Variants in PPARGC1A observed in about 807,000 individuals in gnomAD.
PPARGC1A encodes the protein peroxisome proliferator-activated receptor gamma coactivator 1-alpha.
In PPARGC1A, 25 loss-of-function variants were observed where a neutral mutation model predicts 88.7. That is an observed-to-expected ratio of 0.28 (90% CI 0.21 to 0.39). The LOEUF (loss-of-function observed/expected upper bound fraction) is 0.39, where lower values mean the gene tolerates loss of function less well. Ranked by LOEUF, PPARGC1A falls within the 10% of genes least tolerant of loss-of-function variation. The pLI is 1.00. For synonymous variants in PPARGC1A, 363 were observed against 355.6 expected (o/e 1.02, Z -0.24); for missense variants, 880 against 968.7 (o/e 0.91, Z 1.22).
the PPARGC1A span, among the ~76,000 whole-genome samples, chr4:24,471,602 A>T: frequency 1.3e-5 from 2 of 152,118 alleles, no homozygotes; most frequent in African/African-American, 4.8e-5. The surrounding 1 kb of genome is among the most constrained non-coding windows in gnomAD (Gnocchi z 5.4). Flanking sequence ...TGGCCCGCTG[A>T]CATCCATCTC....
chr4:24,321,908 G>A, the PPARGC1A span, among the ~76,000 whole-genome samples: 15 of 152,120 alleles, frequency 9.9e-5, no homozygotes, highest in Non-Finnish European at 2.2e-4. Context: ...GGACTTGTTC[G>A]TAAAAAAGAA....
At chr4:24,367,203 A>G in the PPARGC1A span, among the ~76,000 whole-genome samples, 1 of 152,190 alleles carries the variant, frequency 6.6e-6, no homozygotes, top group Admixed American at 6.6e-5. Flanking sequence ...GCATCCCAGG[A>G]AGAAATGGGG....
At chr4:24,240,490 A>G in the PPARGC1A span, among the ~76,000 whole-genome samples, 7 of 152,188 alleles carry the variant, frequency 4.6e-5, no homozygotes, top group African/African-American at 1.7e-4. Context: ...TTATATATAA[A>G]CCCTTACAAA....
the PPARGC1A span, among the ~76,000 whole-genome samples, chr4:24,028,823 A>G: frequency 0.18 from 28,065 of 152,120 alleles, 2,736 homozygotes; most frequent in African/African-American, 0.22. Context: ...TATGAAATTG[A>G]CATCTGAGAA....
the PPARGC1A span, among the ~76,000 whole-genome samples, chr4:24,233,808 C>G: frequency 1.3e-5 from 2 of 151,904 alleles, no homozygotes; most frequent in African/African-American, 4.8e-5. Context: ...AAAGTTAAAG[C>G]GCTTACAAGG....
the PPARGC1A span, among the ~76,000 whole-genome samples, chr4:24,119,084 C>T: frequency 1.8e-4 from 27 of 152,276 alleles, no homozygotes; most frequent in African/African-American, 6.3e-4. Flanking sequence ...TTTTGTTTTG[C>T]ATTGCCTCAA....
At chr4:23,845,066 G>A (rs890967616) in intron 2 of PPARGC1A, among the ~76,000 whole-genome samples, 4 of 151,542 alleles carry the variant, frequency 2.6e-5, no homozygotes, top group Admixed American at 2.0e-4. Flanking sequence ...TAAGCAGGAG[G>A]GGGGTGATAG....
chr4:24,194,669 C>CACACA, the PPARGC1A span, among the ~76,000 whole-genome samples: 12,117 of 40,148 alleles, frequency 0.3, 846 homozygotes, highest in Middle Eastern at 0.47. Flanking sequence ...CACACACACA[C>CACACA]CCCCATCAAG....
chr4:24,158,112 A>G, the PPARGC1A span, among the ~76,000 whole-genome samples: 1 of 150,272 alleles, frequency 6.7e-6, no homozygotes, highest in African/African-American at 2.5e-5. Context: ...TGTTTTTCAA[A>G]TGCTCTAAGC....
chr4:24,351,223 C>T, the PPARGC1A span, among the ~76,000 whole-genome samples: 3 of 62,624 alleles, frequency 4.8e-5, no homozygotes, highest in Non-Finnish European at 9.2e-5. Flanking sequence ...AGAGCAAACC[C>T]TTGTATTTAA....
chr4:24,147,280 G>T, the PPARGC1A span, among the ~76,000 whole-genome samples: 2 of 152,314 alleles, frequency 1.3e-5, no homozygotes, highest in Non-Finnish European at 2.9e-5. Context: ...GAACCGGAAG[G>T]TCGGGTTGAT....
the PPARGC1A span, among the ~76,000 whole-genome samples, chr4:23,923,954 C>T: frequency 2.0e-5 from 3 of 152,150 alleles, no homozygotes; most frequent in East Asian, 5.8e-4. Flanking sequence ...TTCTTCTGGG[C>T]TGGGCTGCAT....
the PPARGC1A span, among the ~76,000 whole-genome samples, chr4:24,454,284 G>A: frequency 6.6e-6 from 1 of 151,258 alleles, no homozygotes; most frequent in South Asian, 2.1e-4. Flanking sequence ...ATACATGGTT[G>A]CTGGTTTTTT....
chr4:23,808,250 C>CAA (rs527466137), intron 10 of PPARGC1A, among the ~76,000 whole-genome samples: 1,223 of 93,586 alleles, frequency 0.013, 36 homozygotes, highest in South Asian at 0.068. Flanking sequence ...GACTCCATCT[C>CAA]AAAAAAAAAA....
At chr4:24,289,934 G>T in the PPARGC1A span, among the ~76,000 whole-genome samples, 1 of 152,154 alleles carries the variant, frequency 6.6e-6, no homozygotes, top group African/African-American at 2.4e-5. Flanking sequence ...ACATGGCTGG[G>T]GGGGCCTCCC....
chr4:24,471,132 G>C, the PPARGC1A span, among the ~76,000 whole-genome samples: 7 of 151,756 alleles, frequency 4.6e-5, no homozygotes, highest in African/African-American at 1.7e-4. This position sits in a 1 kb window ranked among gnomAD's most constrained non-coding sequence, Gnocchi z 5.4. Flanking sequence ...CGGGCTGAAC[G>C]GAGCTCTTTT....
At chr4:24,393,872 G>A in the PPARGC1A span, among the ~76,000 whole-genome samples, 880 of 152,286 alleles carry the variant, frequency 5.8e-3, 23 homozygotes, top group African/African-American at 0.02. Context: ...TCATCTCAAT[G>A]TTTTGGGAGG....
chr4:24,258,211 C>CAGTATAA, the PPARGC1A span: 1 of 981,084 alleles, frequency 1.0e-6, no homozygotes, highest in Non-Finnish European at 1.2e-6. Context: ...ACAAAGTACC[C>CAGTATAA]TTCATCCATG....
At chr4:24,389,506 G>A in the PPARGC1A span, among the ~76,000 whole-genome samples, 2 of 152,104 alleles carry the variant, frequency 1.3e-5, no homozygotes, top group Admixed American at 1.3e-4. Context: ...ATCCCATGAG[G>A]TCTTACGAAT....
Sources: allele counts gnomAD v4.1 joint callset (sites outside exome capture counted in the v4.1 genomes callset), GRCh38; gene constraint gnomAD v4.1.1; non-coding constraint Gnocchi (gnomAD v3.1); transcripts MANE v1.5; gene names NCBI Gene and HGNC (gene_info 2026-07-23, HGNC 2026-07-21).